SPPL3: variants seen among roughly 807,000 people sequenced by gnomAD.
SPPL3 encodes the protein signal peptide peptidase-like 3.
Under a neutral mutation model 42.4 loss-of-function variants are expected in SPPL3, and 5 were observed. The ratio of observed to expected loss-of-function variants is 0.12; its 90% CI spans 0.06 to 0.25. SPPL3 has a LOEUF of 0.25. Ranked by LOEUF, SPPL3 falls within the 10% of genes least tolerant of loss-of-function variation. The pLI is 1.00. For synonymous variants in SPPL3, 195 were observed against 181.8 expected, an observed-to-expected ratio of 1.07 and a Z score of -0.58; for missense variants, 235 against 489.0, an observed-to-expected ratio of 0.48 and a Z score of 4.90.
In SPPL3 at chr12:120,782,745, G is replaced by A. The variant is rs1171947571; in HGVS notation, c.412C>T (p.Arg138Cys). 3 of 1,607,634 alleles carry A rather than the reference G, an allele frequency of 1.9e-6. No homozygotes were observed. Among genetic ancestry groups the A allele is most frequent in the African/African-American group, 1.3e-5 (1 of 74,784 alleles). Residue 138 changes from arginine (R) to cysteine (C), a missense_variant, in exon 6 of 11, where the codon CGT becomes TGT. Arg to Cys is a radical substitution (Grantham distance 180). Transcript: ENST00000353487. ...QNKISFGCCG[R>C]FTAAELLSFS... The stretch of plus-strand genomic sequence containing the variant: ...GACAGCAACTCAGCAGCAGTGAAAC[G>A]TCCACAGCAACCAAAGGAAATCCTG...
chr12:120,863,562 A>G (rs1872674738), intron 1 of SPPL3, among the ~76,000 whole-genome samples: 2 of 152,208 alleles, frequency 1.3e-5, no homozygotes, highest in Non-Finnish European at 2.9e-5. Flanking sequence ...ATGCATATCT[A>G]TAGTTTAAAA....
At chr12:120,784,701 A>G (rs997805637) in intron 3 of SPPL3, 108 bp from the exon 4 acceptor site, 1 of 782,940 alleles carries the variant, frequency 1.3e-6, no homozygotes, top group African/African-American at 1.8e-5. Context: ...TACGGATTAT[A>G]CGTAGGACAT....
Position 120,836,855 on chromosome 12 carries a change from G to A in SPPL3, c.24-25969C>T, listed in dbSNP as rs190958659. Reference sequence around the variant, plus strand: ...TGTGTGTGCATACGTGCATATACGAGTGCAAGTAACCAGGGGTATCTGAAT... The same window carrying A: ...TGTGTGTGCATACGTGCATATACGAATGCAAGTAACCAGGGGTATCTGAAT... On this transcript the variant is annotated intron_variant, in intron 1 of 10. Coordinates refer to ENST00000353487, the MANE Select transcript of SPPL3 (RefSeq NM_139015.5). Among the ~76,000 whole-genome samples, 168 of 152,300 alleles carry A rather than the reference G, an allele frequency of 1.1e-3. 2 individuals carry two copies. Among genetic ancestry groups the A allele is most frequent in the Admixed American group, 2.4e-3 (36 of 15,290 alleles).
intron 6 of SPPL3, among the ~76,000 whole-genome samples, chr12:120,773,986 G>GCATC (rs1869217290): frequency 6.6e-6 from 1 of 152,212 alleles, no homozygotes; most frequent in Admixed American, 6.5e-5. Flanking sequence ...CAAGGTCTGA[G>GCATC]CATCCACCTG....
chr12:120,799,978 T>C (rs1870233312), intron 2 of SPPL3, among the ~76,000 whole-genome samples: 1 of 152,198 alleles, frequency 6.6e-6, no homozygotes, highest in Non-Finnish European at 1.5e-5. Context: ...TATAGGCCTT[T>C]AACTTAGCTT....
At chr12:120,871,130 CAAAAAAAAAA>C (rs71453512) in intron 1 of SPPL3, among the ~76,000 whole-genome samples, 4 of 51,686 alleles carry the variant, frequency 7.7e-5, no homozygotes, top group Non-Finnish European at 1.5e-4. Flanking sequence ...ACTCCGTCTC[CAAAAAAAAAA>C]AAAAAAAAAG....
intron 1 of SPPL3, among the ~76,000 whole-genome samples, chr12:120,887,423 A>AC (rs779691622): frequency 6.6e-6 from 1 of 151,976 alleles, no homozygotes; most frequent in South Asian, 2.1e-4. Context: ...ACATCAAGGC[A>AC]CCCCTCACCG....
At chr12:120,865,157 T>C (rs1209468710) in intron 1 of SPPL3, among the ~76,000 whole-genome samples, 2 of 152,228 alleles carry the variant, frequency 1.3e-5, no homozygotes, top group Non-Finnish European at 2.9e-5. Context: ...AGTTACCCAG[T>C]TGATCACTTT....
intron 1 of SPPL3, chr12:120,902,075 T>C (rs886287374): frequency 1.4e-5 from 3 of 212,766 alleles, no homozygotes; most frequent in Non-Finnish European, 2.4e-5. Flanking sequence ...TTACCTTCAT[T>C]TCTTACTCTG....
intron 1 of SPPL3, among the ~76,000 whole-genome samples, chr12:120,862,904 C>A (rs1872651503): frequency 1.3e-5 from 2 of 152,184 alleles, no homozygotes; most frequent in Non-Finnish European, 2.9e-5. Context: ...CACTAAGACT[C>A]AGCTCATTAG....
At chr12:120,869,682 T>C (rs1375932871) in intron 1 of SPPL3, among the ~76,000 whole-genome samples, 7 of 152,252 alleles carry the variant, frequency 4.6e-5, no homozygotes, top group Admixed American at 4.6e-4. Context: ...TTACTTCTTA[T>C]GTTAGCATTT....
rs1869541007 is a variant in SPPL3 at position 120,781,555 on chromosome 12, G to GTGTTTTTT, written c.502+1099_502+1100insAAAAAACA. 3.3e-4 allele frequency among the ~76,000 whole-genome samples: 21 copies of GTGTTTTTT among 63,010 alleles called. 4 individuals carry two copies. Among genetic ancestry groups the GTGTTTTTT allele is most frequent in the East Asian group, 1.5e-3 (3 of 1,974 alleles). The allele number at this position is 63,010 out of a possible 152,430, so 41.3% of individuals were successfully genotyped here. A position where few individuals can be genotyped will look rare whatever the true frequency, so the allele number is the denominator to read the frequency against. Reference sequence around the variant, plus strand: ...TCTAATCCCATCTCCTTATTGTTACGTTTTTTTTTTTTTTTTTTTTTTTTT... The same window carrying GTGTTTTTT: ...TCTAATCCCATCTCCTTATTGTTACGTGTTTTTTTTTTTTTTTTTTTTTTTTTTTTTTT... On this transcript the variant is annotated intron_variant, in intron 6 of 10. Transcript: ENST00000353487.
chr12:120,825,869 G>C (rs555173800), intron 1 of SPPL3, among the ~76,000 whole-genome samples: 1 of 152,286 alleles, frequency 6.6e-6, no homozygotes, highest in South Asian at 2.1e-4. Flanking sequence ...ATCAAGTCTA[G>C]GTTAGTACGA....
intron 1 of SPPL3, among the ~76,000 whole-genome samples, chr12:120,829,434 A>G (rs1402963612): frequency 6.6e-6 from 1 of 151,922 alleles, no homozygotes; most frequent in African/African-American, 2.4e-5. Context: ...CGTCTCTACT[A>G]AAAATACAAA....
chr12:120,809,879 C>G (rs1870625488), intron 2 of SPPL3, among the ~76,000 whole-genome samples: 2 of 152,116 alleles, frequency 1.3e-5, no homozygotes, highest in Non-Finnish European at 2.9e-5. Flanking sequence ...TATGGCTCAA[C>G]CTTGGATGTC....
chr12:120,828,194 T>C (rs1871285762), intron 1 of SPPL3, among the ~76,000 whole-genome samples: 1 of 152,128 alleles, frequency 6.6e-6, no homozygotes, highest in Non-Finnish European at 1.5e-5. Context: ...TCCCCAAATA[T>C]GTGGAAATTA....
intron 6 of SPPL3, among the ~76,000 whole-genome samples, chr12:120,774,658 A>C (rs1249826969): frequency 6.6e-6 from 1 of 151,934 alleles, no homozygotes; most frequent in Non-Finnish European, 1.5e-5. Flanking sequence ...ACTCTGACCC[A>C]GCGAACACTG....
At chr12:120,839,955 T>A (rs990603942) in intron 1 of SPPL3, among the ~76,000 whole-genome samples, 7 of 151,982 alleles carry the variant, frequency 4.6e-5, no homozygotes, top group African/African-American at 1.7e-4. Flanking sequence ...TTGTGCTATA[T>A]CCATGCAATG....
chr12:120,806,100 A>C (rs920977263), intron 2 of SPPL3, among the ~76,000 whole-genome samples: 6 of 151,964 alleles, frequency 3.9e-5, no homozygotes, highest in East Asian at 1.9e-4. Context: ...TAAAAGAACA[A>C]CACTTACTTT....
Sources: allele counts gnomAD v4.1 joint callset (sites outside exome capture counted in the v4.1 genomes callset), GRCh38; gene constraint gnomAD v4.1.1; transcripts MANE v1.5; gene names NCBI Gene and HGNC (gene_info 2026-07-23, HGNC 2026-07-21).